Variants in ANKS1A observed in about 807,000 individuals in gnomAD.
ANKS1A encodes ankyrin repeat and sterile alpha motif domain containing 1A.
A neutral mutation model predicts 120.3 loss-of-function variants in ANKS1A; 55 were observed. That is an observed-to-expected ratio of 0.46 (90% confidence interval 0.37 to 0.57). The LOEUF (loss-of-function observed/expected upper bound fraction) is 0.57, where lower values mean the gene tolerates loss of function less well. Ranked by LOEUF, ANKS1A falls within the 20% of genes least tolerant of loss-of-function variation. The probability of loss-of-function intolerance (pLI) is 0.00; values close to 1 mark genes in which losing one functional copy is unlikely to be tolerated. For synonymous variants in ANKS1A, 590 were observed against 604.7 expected, an observed-to-expected ratio of 0.98 and a Z score of 0.36; for missense variants, 1,123 against 1,480.3, an observed-to-expected ratio of 0.76 and a Z score of 3.96.
chr6:34,889,651 C>T lies in ANKS1A; in HGVS notation c.197+52C>T, dbSNP rs1271307463. ...TGCCTGCAGACCCTTTCTCCCCCAC[C>T]CGTCTCTTGGGTCCCCAGAGAGATC... On this transcript the variant is annotated intron_variant, in intron 1 of 23. Coordinates refer to ENST00000360359, the MANE Select transcript of ANKS1A (RefSeq NM_015245.3). This position sits in a 1 kb window ranked among gnomAD's most constrained non-coding sequence, Gnocchi z 5.5. The T allele has an allele frequency of 8.0e-7, 1 of 1,257,434 alleles. No individual in the cohort carries two copies. Among genetic ancestry groups the T allele is most frequent in the Non-Finnish European group, 1.0e-6 (1 of 1,002,354 alleles). The allele number at this position is 1,257,434 out of a possible 1,614,324, so 77.9% of individuals were successfully genotyped here. A position where few individuals can be genotyped will look rare whatever the true frequency, so the allele number is the denominator to read the frequency against.
At chr6:35,078,446 G>A (rs1034443617) in intron 13 of ANKS1A, 112 bp from the exon 14 acceptor site, 18 of 917,742 alleles carry the variant, frequency 2.0e-5, no homozygotes, top group Middle Eastern at 4.5e-4. Flanking sequence ...CCCTCTTGGT[G>A]CCTGCAGTGA....
intron 11 of ANKS1A, among the ~76,000 whole-genome samples, chr6:35,032,875 T>C (rs571563574): frequency 8.3e-4 from 127 of 152,360 alleles, no homozygotes; most frequent in Admixed American, 2.0e-3. Flanking sequence ...ATACTGAATG[T>C]CTTATGACTT....
In ANKS1A at chr6:35,084,534, C is replaced by T. The variant is rs1421481748; in HGVS notation, c.3132+276C>T. On this transcript the variant is annotated intron_variant, in intron 21 of 23. Transcript: ENST00000360359. The surrounding 1 kb of genome is among the most constrained non-coding windows in gnomAD (Gnocchi z 4.8). ...TAAGAGATGGAGTCTCACTATGTTG[C>T]CCAGGCTTGCCTTGCACTCCTGGGT... is the stretch of plus-strand genomic sequence containing the variant. Among the ~76,000 whole-genome samples, 4 of 146,410 alleles carry T rather than the reference C, an allele frequency of 2.7e-5. No homozygotes were observed. The highest frequency in any genetic ancestry group is 6.0e-5 in the Non-Finnish European group (4 of 67,222).
chr6:35,009,619 C>T (rs1241965690), intron 10 of ANKS1A, among the ~76,000 whole-genome samples: 3 of 151,944 alleles, frequency 2.0e-5, no homozygotes, highest in African/African-American at 4.8e-5. Flanking sequence ...AAAGAGAACC[C>T]AGGCTGGGCG....
At chr6:34,986,928 G>A (rs548352994) in intron 8 of ANKS1A, among the ~76,000 whole-genome samples, 1 of 152,236 alleles carries the variant, frequency 6.6e-6, no homozygotes, top group Non-Finnish European at 1.5e-5. Flanking sequence ...GGTACTTATA[G>A]GTGATGCCCA....
Position 35,085,682 on chromosome 6 carries a change from C to T in ANKS1A, c.3133-84C>T. ...GCTCCCGGGTAGACTTAGAGGGGGACACATGGTCCCTGCGAGGAAGGGCAT... is the reference window on the plus strand; with the variant it reads ...GCTCCCGGGTAGACTTAGAGGGGGATACATGGTCCCTGCGAGGAAGGGCAT... On this transcript the variant is annotated intron_variant, in intron 21 of 23. Transcript: ENST00000360359. This position sits in a 1 kb window ranked among gnomAD's most constrained non-coding sequence, Gnocchi z 4.7. 1 of 1,413,422 alleles carries T rather than the reference C, an allele frequency of 7.1e-7. No homozygotes were observed. Among genetic ancestry groups the T allele is most frequent in the Non-Finnish European group, 9.5e-7 (1 of 1,054,556 alleles). The allele number at this position is 1,413,422 out of a possible 1,614,324, so 87.6% of individuals were successfully genotyped here. A position where few individuals can be genotyped will look rare whatever the true frequency, so the allele number is the denominator to read the frequency against.
At chr6:34,931,895 C>T (rs751114571) in intron 1 of ANKS1A, among the ~76,000 whole-genome samples, 15 of 152,300 alleles carry the variant, frequency 9.8e-5, no homozygotes, top group Admixed American at 6.5e-5. Context: ...GATTAATAAA[C>T]GTGTGATTAT....
chr6:34,930,925 T>C (rs1768948079), intron 1 of ANKS1A, among the ~76,000 whole-genome samples: 1 of 151,422 alleles, frequency 6.6e-6, no homozygotes, highest in Non-Finnish European at 1.5e-5. Context: ...TTGCCCAGGC[T>C]GGAGCGCAAT....
intron 1 of ANKS1A, among the ~76,000 whole-genome samples, chr6:34,948,588 C>G (rs1274240261): frequency 6.6e-6 from 1 of 152,144 alleles, no homozygotes; most frequent in Non-Finnish European, 1.5e-5. Flanking sequence ...TGAGGGGTTA[C>G]TTGCTGTTCA....
chr6:34,931,121 C>T (rs1259610450), intron 1 of ANKS1A, among the ~76,000 whole-genome samples: 3 of 151,022 alleles, frequency 2.0e-5, no homozygotes, highest in Admixed American at 6.6e-5. Context: ...TCAGGTGATC[C>T]GCCCGCCTCA....
chr6:34,987,267 GAC>G (rs1181166877), intron 8 of ANKS1A, among the ~76,000 whole-genome samples: 2 of 152,338 alleles, frequency 1.3e-5, no homozygotes, highest in East Asian at 1.9e-4. Context: ...TAGAGAAAAA[GAC>G]ACAGGTATTT....
At chr6:35,038,407 G>C in intron 11 of ANKS1A, 1 of 444,518 alleles carries the variant, frequency 2.2e-6, no homozygotes, top group Admixed American at 2.4e-5. Context: ...GGGCAGTGAA[G>C]AGTGCTGTGA....
intron 1 of ANKS1A, among the ~76,000 whole-genome samples, chr6:34,940,416 G>T (rs1045610606): frequency 1.3e-5 from 2 of 152,134 alleles, no homozygotes; most frequent in African/African-American, 4.8e-5. Flanking sequence ...GCACTTGTGG[G>T]AATCTGCTTG....
chr6:35,074,623 AC>A (rs762811566), intron 13 of ANKS1A, among the ~76,000 whole-genome samples: 3 of 152,160 alleles, frequency 2.0e-5, no homozygotes, highest in African/African-American at 2.4e-5. Context: ...GCAACAGCAG[AC>A]GTTAGATTTG....
chr6:35,001,841 T>A (rs890915199), intron 10 of ANKS1A, among the ~76,000 whole-genome samples: 82 of 150,468 alleles, frequency 5.4e-4, no homozygotes, highest in African/African-American at 1.7e-3. Context: ...AAAAAAAAAA[T>A]GGCAGTTGGA....
chr6:35,030,793 C>T (rs1315506745), intron 11 of ANKS1A, among the ~76,000 whole-genome samples: 1 of 152,190 alleles, frequency 6.6e-6, no homozygotes, highest in East Asian at 1.9e-4. Flanking sequence ...ATTATGTCCT[C>T]CCACCCTCAA....
At chr6:34,984,172 G>A (rs1772063008) in intron 7 of ANKS1A, among the ~76,000 whole-genome samples, 1 of 152,148 alleles carries the variant, frequency 6.6e-6, no homozygotes, top group Non-Finnish European at 1.5e-5. Context: ...CAACAAATGT[G>A]GTCTGGATGG....
intron 1 of ANKS1A, among the ~76,000 whole-genome samples, chr6:34,893,637 T>C (rs567518180): frequency 6.6e-4 from 100 of 152,320 alleles, no homozygotes; most frequent in African/African-American, 2.4e-3. Flanking sequence ...CTGTCAGAAT[T>C]AGCCCCTCTC....
chr6:34,977,422 T>TG (rs1269729872), intron 3 of ANKS1A, among the ~76,000 whole-genome samples: 2 of 151,592 alleles, frequency 1.3e-5, no homozygotes, highest in African/African-American at 4.9e-5. Flanking sequence ...TTAGTTCCCA[T>TG]GTAATTCTAA....
Sources: gnomAD v4.1 joint callset for allele counts (sites outside exome capture counted in the v4.1 genomes callset) on GRCh38, gnomAD v4.1.1 for gene constraint, Gnocchi (gnomAD v3.1) non-coding constraint, MANE v1.5 for transcripts, NCBI Gene and HGNC (gene_info 2026-07-23, HGNC 2026-07-21) for gene names.